SDK1: variants seen among roughly 807,000 people sequenced by gnomAD.
SDK1 encodes protein sidekick-1.
SDK1 carries 157 observed loss-of-function variants against 245.5 expected under a neutral mutation model. That is an observed-to-expected ratio of 0.64 (90% CI 0.56 to 0.73). The LOEUF is 0.73. Among genes scored for constraint, SDK1 ranks in the 30% least tolerant of loss-of-function variants. SDK1 has a pLI of 0.00. For synonymous variants in SDK1, 1,647 were observed against 1,278.5 expected (o/e 1.29, Z -6.15); for missense variants, 3,583 against 3,002.3 (o/e 1.19, Z -4.52).
intron 4 of SDK1, among the ~76,000 whole-genome samples, chr7:3,819,795 A>C (rs1317274277): frequency 6.6e-6 from 1 of 152,220 alleles, no homozygotes; most frequent in Non-Finnish European, 1.5e-5. Flanking sequence ...ATAACTTCTT[A>C]AGATAATTTT....
At chr7:3,344,229 A>G (rs1780433617) in intron 1 of SDK1, among the ~76,000 whole-genome samples, 1 of 152,226 alleles carries the variant, frequency 6.6e-6, no homozygotes, top group Admixed American at 6.5e-5. Context: ...GTTCAATTTT[A>G]AAAAATGTTT....
intron 1 of SDK1, among the ~76,000 whole-genome samples, chr7:3,592,677 A>G (rs1780916396): frequency 6.6e-6 from 1 of 152,194 alleles, no homozygotes; most frequent in Non-Finnish European, 1.5e-5. Flanking sequence ...TATAATGCAC[A>G]GCAGGCTGAT....
At chr7:3,758,795 A>G (rs1562422011) in intron 4 of SDK1, among the ~76,000 whole-genome samples, 1 of 152,166 alleles carries the variant, frequency 6.6e-6, no homozygotes, top group Non-Finnish European at 1.5e-5. Flanking sequence ...CTGTGCTGTC[A>G]CATCCTCTAG....
intron 4 of SDK1, among the ~76,000 whole-genome samples, chr7:3,745,635 C>T (rs920648261): frequency 2.7e-4 from 41 of 152,174 alleles, no homozygotes; most frequent in African/African-American, 9.2e-4. Flanking sequence ...GCAACTGATC[C>T]GCCATGACAG....
At chr7:3,586,877 G>GTGC (rs1299353710) in intron 1 of SDK1, among the ~76,000 whole-genome samples, 1 of 152,164 alleles carries the variant, frequency 6.6e-6, no homozygotes, top group African/African-American at 2.4e-5. Flanking sequence ...GAGGTGACAT[G>GTGC]TGCTGGAGCT....
chr7:3,471,850 A>T (rs1198163476), intron 1 of SDK1, among the ~76,000 whole-genome samples: 2 of 152,210 alleles, frequency 1.3e-5, no homozygotes, highest in Non-Finnish European at 2.9e-5. Context: ...GACTTTATCC[A>T]TTGAACTTCA....
Position 4,139,523 on chromosome 7 carries a change from G to GTGTGTGTATA in SDK1, c.4229-6198_4229-6197insGTGTGTATAT, listed in dbSNP as rs1562871662. On this transcript the variant is annotated intron_variant, in intron 28 of 44. Coordinates refer to ENST00000404826, the MANE Select transcript of SDK1 (RefSeq NM_152744.4). ...TGTGTGTATATGTATATATGTGTGT[G>GTGTGTGTATA]TATGTGTGTGTGTATATATGTGTGT... Among the ~76,000 whole-genome samples, 5 of 10,228 alleles carry GTGTGTGTATA rather than the reference G, an allele frequency of 4.9e-4. 2 individuals carry two copies. Among genetic ancestry groups the GTGTGTGTATA allele is most frequent in the East Asian group, 0.021 (2 of 96 alleles). 6.7% of individuals were successfully genotyped at this position (10,228 alleles called of 152,430 possible). A position where few individuals can be genotyped will look rare whatever the true frequency, so the allele number is the denominator to read the frequency against.
intron 7 of SDK1, among the ~76,000 whole-genome samples, chr7:3,955,826 A>G (rs1781217290): frequency 6.6e-6 from 1 of 152,148 alleles, no homozygotes; most frequent in South Asian, 2.1e-4. Flanking sequence ...ACTTTGTCAC[A>G]CTGGCATTTT....
chr7:3,432,763 G>C (rs1436733268), intron 1 of SDK1, among the ~76,000 whole-genome samples: 2 of 152,108 alleles, frequency 1.3e-5, no homozygotes, highest in African/African-American at 4.8e-5. Flanking sequence ...AGTTGCTTTT[G>C]AAAGAGTCAG....
At chr7:3,975,857 C>T (rs531220386) in intron 13 of SDK1, among the ~76,000 whole-genome samples, 11 of 152,362 alleles carry the variant, frequency 7.2e-5, no homozygotes, top group South Asian at 6.2e-4. Flanking sequence ...CAGAATCAGC[C>T]GGCGGCAGTG....
chr7:3,977,668 G>C (rs986691691), intron 13 of SDK1, among the ~76,000 whole-genome samples: 1 of 152,234 alleles, frequency 6.6e-6, no homozygotes, highest in African/African-American at 2.4e-5. Flanking sequence ...GCTGCCTGCA[G>C]TTCTTCCCTG....
intron 22 of SDK1, among the ~76,000 whole-genome samples, chr7:4,091,912 C>G (rs1781827171): frequency 6.6e-6 from 1 of 152,164 alleles, no homozygotes; most frequent in Non-Finnish European, 1.5e-5. Flanking sequence ...TGCTTCTCTC[C>G]ACGTGCCACC....
intron 4 of SDK1, among the ~76,000 whole-genome samples, chr7:3,684,795 TAAAAG>T (rs1784226719): frequency 1.3e-5 from 2 of 150,894 alleles, no homozygotes; most frequent in Non-Finnish European, 3.0e-5. Context: ...AGCACAGAAA[TAAAAG>T]AGCCAATGGA....
At chr7:3,856,530 C>T (rs1485725248) in intron 5 of SDK1, among the ~76,000 whole-genome samples, 2 of 149,032 alleles carry the variant, frequency 1.3e-5, no homozygotes, top group East Asian at 3.9e-4. Flanking sequence ...GTGGCTCACG[C>T]TTGCAATCCC....
At chr7:3,795,427 G>A (rs1301816321) in intron 4 of SDK1, among the ~76,000 whole-genome samples, 3 of 152,026 alleles carry the variant, frequency 2.0e-5, no homozygotes, top group Non-Finnish European at 4.4e-5. Context: ...TACAGAGAAA[G>A]GCATGTGAGA....
At chr7:3,604,144 C>T (rs562357279) in intron 1 of SDK1, among the ~76,000 whole-genome samples, 4 of 152,112 alleles carry the variant, frequency 2.6e-5, no homozygotes, top group Non-Finnish European at 1.5e-5. Flanking sequence ...CTAAAATTCT[C>T]TTTTTTGGTT....
Position 4,102,618 on chromosome 7 carries a change from G to T in SDK1, c.3325-8045G>T, listed in dbSNP as rs557437947. On this transcript the variant is annotated intron_variant, in intron 22 of 44. Transcript: ENST00000404826. ...TGAGCAGCCATTGACCCTGGCCTCC[G>T]GAGTGCTGAGCTCACCATGGCCACC... is the stretch of plus-strand genomic sequence containing the variant. Among the ~76,000 whole-genome samples the T allele has an allele frequency of 2.0e-5, 3 of 152,118 alleles. 1 individual carries two copies. In the East Asian group the frequency reaches 5.8e-4, roughly 29 times the overall value.
At chr7:3,351,055 G>C (rs946094354) in intron 1 of SDK1, among the ~76,000 whole-genome samples, 5 of 152,006 alleles carry the variant, frequency 3.3e-5, no homozygotes, top group African/African-American at 1.2e-4. Flanking sequence ...AGTTTCACTG[G>C]GTAAAACTAG....
At chr7:3,660,341 C>G (rs551957464) in intron 4 of SDK1, among the ~76,000 whole-genome samples, 2 of 151,968 alleles carry the variant, frequency 1.3e-5, no homozygotes, top group East Asian at 3.9e-4. Context: ...TCTACATAAG[C>G]AGCTTGAGAA....
Sources: gnomAD v4.1 joint callset for allele counts (sites outside exome capture counted in the v4.1 genomes callset) on GRCh38, gnomAD v4.1.1 for gene constraint, MANE v1.5 for transcripts, NCBI Gene and HGNC (gene_info 2026-07-23, HGNC 2026-07-21) for gene names.